Variants in SUMF1 observed in about 807,000 individuals in gnomAD.
The protein encoded by SUMF1 is formylglycine-generating enzyme.
In SUMF1, 48 loss-of-function variants were observed where a neutral mutation model predicts 47.6. That is an observed-to-expected ratio of 1.01 (90% CI 0.80 to 1.28). The LOEUF (loss-of-function observed/expected upper bound fraction) is 1.28, where lower values mean the gene tolerates loss of function less well. SUMF1 is among the 50% of genes most tolerant of loss of function. The pLI is 0.00. For missense variants in SUMF1, 571 were observed against 485.4 expected (o/e 1.18, Z -1.66); for synonymous variants, 230 against 192.1 (o/e 1.20, Z -1.63).
At chr3:4,302,779 C>T (rs1248988322) in intron 8 of SUMF1, among the ~76,000 whole-genome samples, 3 of 152,104 alleles carry the variant, frequency 2.0e-5, no homozygotes, top group Non-Finnish European at 4.4e-5. Flanking sequence ...AGTCTTGAGG[C>T]TATCAGAATC....
chr3:4,418,577 T>C (rs551423771), intron 4 of SUMF1, among the ~76,000 whole-genome samples: 1 of 152,310 alleles, frequency 6.6e-6, no homozygotes, highest in Non-Finnish European at 1.5e-5. Flanking sequence ...CTATGGGCCA[T>C]ATACACCCTA....
intron 8 of SUMF1, among the ~76,000 whole-genome samples, chr3:4,147,778 A>T (rs1694229539): frequency 6.6e-6 from 1 of 152,108 alleles, no homozygotes; most frequent in Admixed American, 6.5e-5. Context: ...TTTCCTGTAT[A>T]CCTAACCCAG....
chr3:4,272,143 T>C (rs1697317816), intron 8 of SUMF1, among the ~76,000 whole-genome samples: 1 of 152,188 alleles, frequency 6.6e-6, no homozygotes, highest in Non-Finnish European at 1.5e-5. Flanking sequence ...GAAATCTACT[T>C]AATAAGGCAA....
intron 8 of SUMF1, among the ~76,000 whole-genome samples, chr3:4,213,152 C>A (rs1490922552): frequency 6.6e-6 from 1 of 152,106 alleles, no homozygotes; most frequent in Non-Finnish European, 1.5e-5. Flanking sequence ...ATGTTAAGGG[C>A]AGCCAGAGAG....
At chr3:4,217,192 G>A (rs12492193) in intron 8 of SUMF1, among the ~76,000 whole-genome samples, 17,620 of 151,798 alleles carry the variant, frequency 0.12, 1,316 homozygotes, top group Non-Finnish European at 0.16. Flanking sequence ...CCATAAAAAA[G>A]GATGAGTTCA....
intron 8 of SUMF1, among the ~76,000 whole-genome samples, chr3:4,158,874 T>C (rs1043936241): frequency 1.3e-5 from 2 of 151,594 alleles, no homozygotes; most frequent in Non-Finnish European, 2.9e-5. Context: ...TGTGTGCCTT[T>C]ATATGTGAAG....
rs1301729729 is a variant in SUMF1, at chr3:4,160,601, A to C, written c.1015-91856T>G. On this transcript the variant is annotated intron_variant and NMD_transcript_variant, in intron 8 of 12. Transcript: ENST00000448413. Reference sequence around the variant, plus strand: ...CTTCTGTTTGATCACTTCTGCTATTAAGAGACCCTGATGCATTCTTCAGTA... The same window carrying C: ...CTTCTGTTTGATCACTTCTGCTATTCAGAGACCCTGATGCATTCTTCAGTA... Among the ~76,000 whole-genome samples, 3 of 152,056 alleles carry C rather than the reference A, an allele frequency of 2.0e-5. No individual in the cohort carries two copies. The East Asian group carries it at 5.8e-4, about 29-fold the overall frequency.
At chr3:4,205,725 T>C (rs1002308077) in intron 8 of SUMF1, among the ~76,000 whole-genome samples, 2 of 152,086 alleles carry the variant, frequency 1.3e-5, no homozygotes, top group Non-Finnish European at 2.9e-5. Context: ...TCTGGGAGAA[T>C]TCCCTAGATT....
chr3:4,187,629 G>A (rs1695229114), intron 8 of SUMF1, among the ~76,000 whole-genome samples: 1 of 152,142 alleles, frequency 6.6e-6, no homozygotes, highest in Non-Finnish European at 1.5e-5. Flanking sequence ...AAAAATCAAA[G>A]TTGTTCCAGT....
At chr3:4,053,814 G>A (rs1695151828) in intron 9 of SUMF1, among the ~76,000 whole-genome samples, 1 of 152,166 alleles carries the variant, frequency 6.6e-6, no homozygotes, top group African/African-American at 2.4e-5. Flanking sequence ...GAGGTGATCA[G>A]TGTTGGTGAA....
At chr3:4,386,605 C>T (rs1053814061) in intron 7 of SUMF1, among the ~76,000 whole-genome samples, 1 of 151,986 alleles carries the variant, frequency 6.6e-6, no homozygotes, top group African/African-American at 2.4e-5. Flanking sequence ...CCATTTCTTA[C>T]CTTATTCTAC....
intron 8 of SUMF1, among the ~76,000 whole-genome samples, chr3:4,341,016 G>A (rs1699261420): frequency 6.6e-6 from 1 of 151,866 alleles, no homozygotes; most frequent in African/African-American, 2.4e-5. Flanking sequence ...AGATATACGT[G>A]CTGTAGCTTT....
chr3:4,384,705 G>T (rs1467050595), intron 7 of SUMF1, among the ~76,000 whole-genome samples: 1 of 152,064 alleles, frequency 6.6e-6, no homozygotes, highest in Non-Finnish European at 1.5e-5. Flanking sequence ...TGGTGTGGAT[G>T]TATCGGTTTG....
chr3:4,331,735 C>A (rs1162255938), intron 8 of SUMF1, among the ~76,000 whole-genome samples: 1 of 152,176 alleles, frequency 6.6e-6, no homozygotes, highest in Non-Finnish European at 1.5e-5. Flanking sequence ...GAGTCTGAGG[C>A]AGGAGAATTG....
chr3:4,243,147 C>T lies in SUMF1; in HGVS notation c.1014+133183G>A, dbSNP rs142242242. Among the ~76,000 whole-genome samples the T allele has an allele frequency of 5.7e-3, 866 of 152,134 alleles. 8 individuals carry two copies. The highest frequency in any genetic ancestry group is 0.02 in the African/African-American group (825 of 41,506). ...TTTTTATTGCGTCTATTTGATTCTT[C>T]CCTCTTTTGTTCTTTATTAGTCTTG... On this transcript the variant is annotated intron_variant and NMD_transcript_variant, in intron 8 of 12. Coordinates refer to the SUMF1 transcript ENST00000448413.
chr3:4,353,811 C>A (rs1165199438), intron 8 of SUMF1, among the ~76,000 whole-genome samples: 2 of 152,008 alleles, frequency 1.3e-5, no homozygotes, highest in African/African-American at 2.4e-5. Flanking sequence ...TTCTGTCTGC[C>A]ACATCCTGAA....
intron 3 of SUMF1, among the ~76,000 whole-genome samples, chr3:4,436,222 A>G (rs1702391749): frequency 6.6e-6 from 1 of 152,242 alleles, no homozygotes; most frequent in East Asian, 1.9e-4. Flanking sequence ...CATGTAATAT[A>G]TGACAACTCT....
chr3:4,194,454 A>G (rs538445480), intron 8 of SUMF1, among the ~76,000 whole-genome samples: 63 of 152,290 alleles, frequency 4.1e-4, no homozygotes, highest in African/African-American at 1.3e-3. Flanking sequence ...TTGAAACTCA[A>G]GAAGCCTACC....
At chr3:4,062,372 C>A (rs559514388) in intron 9 of SUMF1, among the ~76,000 whole-genome samples, 73 of 152,130 alleles carry the variant, frequency 4.8e-4, no homozygotes, top group Non-Finnish European at 8.8e-4. Flanking sequence ...CTTCACACTG[C>A]TACTGTGAGG....
Sources: gnomAD v4.1 joint callset for allele counts (sites outside exome capture counted in the v4.1 genomes callset) on GRCh38, gnomAD v4.1.1 for gene constraint, MANE v1.5 for transcripts, NCBI Gene and HGNC (gene_info 2026-07-23, HGNC 2026-07-21) for gene names.